ACSL6: variants seen among roughly 807,000 people sequenced by gnomAD.
ACSL6 encodes acyl-CoA synthetase long chain family member 6.
In ACSL6, 47 loss-of-function variants were observed where a neutral mutation model predicts 98.2. The ratio of observed to expected loss-of-function variants is 0.48; its 90% CI spans 0.38 to 0.61. The LOEUF is 0.61. ACSL6 is among the 20% of genes least tolerant of loss of function. The probability of loss-of-function intolerance (pLI) is 0.00; values close to 1 mark genes in which losing one functional copy is unlikely to be tolerated. For missense variants in ACSL6, 761 were observed against 913.4 expected (o/e 0.83, Z 2.15); for synonymous variants, 362 against 336.9 (o/e 1.07, Z -0.82).
intron 6 of ACSL6, chr5:131,988,505 T>C: frequency 1.2e-6 from 2 of 1,602,352 alleles, no homozygotes; most frequent in Non-Finnish European, 1.7e-6. Flanking sequence ...TTGAGATATT[T>C]ACCACCCCCT....
At chr5:131,970,883 T>G (rs1244042829) in intron 14 of ACSL6, among the ~76,000 whole-genome samples, 1 of 152,194 alleles carries the variant, frequency 6.6e-6, no homozygotes, top group African/African-American at 2.4e-5. Flanking sequence ...CCCCACCTGT[T>G]TGCATGAATA....
chr5:131,978,888 A>G (rs2126850875), intron 9 of ACSL6, among the ~76,000 whole-genome samples: 1 of 152,320 alleles, frequency 6.6e-6, no homozygotes, highest in South Asian at 2.1e-4. Context: ...GACAAGACAC[A>G]TCTGTTTGAC....
intron 15 of ACSL6, chr5:131,968,278 G>A (rs746755917): frequency 2.3e-6 from 1 of 426,728 alleles, no homozygotes; most frequent in Non-Finnish European, 4.3e-6. Context: ...AGGCACACCT[G>A]GCCCAGCACC....
intron 18 of ACSL6, 84 bp downstream of exon 18, chr5:131,962,451 G>C (rs970843729): frequency 7.6e-6 from 11 of 1,453,220 alleles, no homozygotes; most frequent in Non-Finnish European, 1.0e-5. Context: ...GGAGAATCCT[G>C]GTGCCTGATT....
At position 131,951,187 on chromosome 5, in the gene ACSL6, C is replaced by T. The variant is rs1279643502; in HGVS notation, c.*3047G>A. 4.8e-6 allele frequency: 1 copy of T among 210,474 alleles called. No homozygotes were observed. Among genetic ancestry groups the T allele is most frequent in the Non-Finnish European group, 9.6e-6 (1 of 103,750 alleles). 13.0% of individuals were successfully genotyped at this position (210,474 alleles called of 1,614,324 possible). On this transcript the variant is annotated 3_prime_UTR_variant, in exon 21 of 21. Coordinates refer to ENST00000651883, the MANE Select transcript of ACSL6 (RefSeq NM_001009185.3). ...GGCCAAACATTTAAGAACATATTTA[C>T]ACTTAAGGAACTGATTATCTGTTAT...
chr5:131,974,217 A>G (rs955673090), intron 11 of ACSL6, among the ~76,000 whole-genome samples: 3 of 152,142 alleles, frequency 2.0e-5, no homozygotes, highest in African/African-American at 7.2e-5. Context: ...CTTGAGTGAC[A>G]CATATATGGA....
At chr5:132,011,738 G>A (rs1755749680), upstream of ACSL6, 1 of 1,301,150 alleles carries the variant, frequency 7.7e-7, no homozygotes. This position sits in a 1 kb window ranked among gnomAD's most constrained non-coding sequence, Gnocchi z 5.4. Flanking sequence ...TCAAGGGGGA[G>A]GGCGCGGCGC....
At position 131,959,596 on chromosome 5, in the gene ACSL6, T is replaced by C. The variant is rs1752592989; in HGVS notation, c.1971A>G (p.Lys657=). The change falls in exon 20 of 21, where the codon AAA becomes AAG. Residue 657 remains lysine (K), a synonymous_variant. Transcript: ENST00000651883. ...ACCTCACCATATCTTCCAAAATGGC[T>C]TTCTTCAGATCCTGAATCAAACCAT... ...ADLCTNKDLK[K]AILEDMVRLG... 6.2e-7 allele frequency: 1 copy of C among 1,614,080 alleles called. No individual in the cohort carries two copies. Among genetic ancestry groups the C allele is most frequent in the Non-Finnish European group, 8.5e-7 (1 of 1,180,020 alleles).
chr5:131,967,969 T>C lies in ACSL6; in HGVS notation c.1567A>G (p.Asn523Asp), dbSNP rs564171770. 1.2e-6 allele frequency: 2 copies of C among 1,614,048 alleles called. No homozygotes were observed. Among genetic ancestry groups the C allele is most frequent in the African/African-American group, 1.3e-5 (1 of 75,030 alleles). ...CCCTCTCCTTTGCAGGCCCAGTAGT[T>C]CAGTTCCTCAACATCAACGAGCTTG... ...HIKLVDVEEL[N>D]YWACKGEGEI... The change falls in exon 16 of 21, where the codon AAC becomes GAC. Residue 523 changes from asparagine to aspartate, a missense_variant. Asn to Asp is a conservative substitution (Grantham distance 23, BLOSUM62 1). Coordinates refer to ENST00000651883, the MANE Select transcript of ACSL6 (RefSeq NM_001009185.3).
Position 131,951,582 on chromosome 5 carries a change from T to G in ACSL6, c.*2652A>C, listed in dbSNP as rs35129180. 1,267 of 128,726 alleles carry G rather than the reference T, an allele frequency of 9.8e-3. 13 individuals carry two copies. The highest frequency in any genetic ancestry group is 0.061 in the African/African-American group (830 of 13,566). 8.0% of individuals were successfully genotyped at this position (128,726 alleles called of 1,614,324 possible). On this transcript the variant is annotated 3_prime_UTR_variant, in exon 21 of 21. Transcript: ENST00000651883. ...GCAAAAAGAAGAAACCTTGTTTTTG[T>G]TTTTTTTTTTTCTTTCTTTTTGAGA...
chr5:131,955,305 G>C (rs555208774), intron 20 of ACSL6, among the ~76,000 whole-genome samples: 2 of 152,282 alleles, frequency 1.3e-5, no homozygotes, highest in Admixed American at 1.3e-4. Context: ...TGTAAAAAGG[G>C]TTTTGTTTGA....
intron 1 of ACSL6, among the ~76,000 whole-genome samples, chr5:132,002,967 C>T (rs1755172489): frequency 6.6e-6 from 1 of 152,216 alleles, no homozygotes. Context: ...AAAAGTGCCC[C>T]AGGCAAGCTG....
chr5:131,995,252 C>T (rs545740249), intron 1 of ACSL6, among the ~76,000 whole-genome samples: 35 of 152,224 alleles, frequency 2.3e-4, no homozygotes, highest in African/African-American at 7.9e-4. Context: ...CAGGGGCCTG[C>T]GGCATCCTCC....
chr5:131,967,173 C>T (rs1449409106), intron 16 of ACSL6, among the ~76,000 whole-genome samples: 1 of 151,724 alleles, frequency 6.6e-6, no homozygotes, highest in African/African-American at 2.4e-5. Flanking sequence ...CAGCAAGACC[C>T]AATCTCTAAA....
At position 131,959,624 on chromosome 5, in the gene ACSL6, G is replaced by A. The variant is rs753182871; in HGVS notation, c.1960-17C>T. On this transcript the variant is annotated splice_polypyrimidine_tract_variant and intron_variant, in intron 19 of 20. Transcript: ENST00000651883. ...CTTCAGATCCTGAATCAAACCATAT[G>A]AGAAAAATTACAAGACAAGAACACA... is the stretch of plus-strand genomic sequence containing the variant. The A allele has an allele frequency of 3.1e-6, 5 of 1,611,756 alleles. No individual in the cohort carries two copies. The highest frequency in any genetic ancestry group is 1.3e-5 in the African/African-American group (1 of 75,006).
chr5:131,998,205 G>T (rs1754889845), intron 1 of ACSL6, among the ~76,000 whole-genome samples: 1 of 152,168 alleles, frequency 6.6e-6, no homozygotes, highest in Non-Finnish European at 1.5e-5. Context: ...CAAGAGGAGT[G>T]TGGACAGCAC....
chr5:131,982,915 C>T (rs1753980857), intron 9 of ACSL6: 1 of 152,220 alleles, frequency 6.6e-6, no homozygotes, highest in South Asian at 2.1e-4. Context: ...GGGTGCAGAC[C>T]TATGTCTTCT....
At position 131,976,630 on chromosome 5, in the gene ACSL6, T is replaced by G. The variant is rs186169737; in HGVS notation, c.990+18A>C. The G allele has an allele frequency of 8.1e-6, 13 of 1,606,054 alleles. No individual in the cohort carries two copies. Among genetic ancestry groups the G allele is most frequent in the Non-Finnish European group, 8.5e-7 (1 of 1,172,742 alleles). On this transcript the variant is annotated intron_variant, in intron 10 of 20. Transcript: ENST00000651883. ...TGTCCTCAAGAGACACCTGCAACAG[T>G]AATGCTACTTTATTCACCTCTGTCA...
Position 132,011,504 on chromosome 5 carries a change from C to A in ACSL6, c.49+1G>T, listed in dbSNP as rs1755727725. The A allele has an allele frequency of 6.2e-7, 1 of 1,609,502 alleles. No homozygotes were observed. Among genetic ancestry groups the A allele is most frequent in the South Asian group, 1.1e-5 (1 of 90,974 alleles). On this transcript the variant is annotated splice_donor_variant, in intron 1 of 20. Transcript: ENST00000651883. LOFTEE classifies it high-confidence loss of function. The surrounding 1 kb of genome is among the most constrained non-coding windows in gnomAD (Gnocchi z 5.4). ...GGGACGCGGACAGGACGGGCACTTA[C>A]CTACGAATAGCCAGAGGGAGCCCCC...
Sources: gnomAD v4.1 joint callset for allele counts (sites outside exome capture counted in the v4.1 genomes callset) on GRCh38, gnomAD v4.1.1 for gene constraint, Gnocchi (gnomAD v3.1) non-coding constraint, MANE v1.5 for transcripts, NCBI Gene and HGNC (gene_info 2026-07-23, HGNC 2026-07-21) for gene names.